CDH13: variants seen among roughly 807,000 people sequenced by gnomAD.
CDH13 encodes cadherin-13.
CDH13 carries 24 observed loss-of-function variants against 63.8 expected under a neutral mutation model. The observed-to-expected ratio is 0.38, with a 90% CI of 0.27 to 0.53. The LOEUF (loss-of-function observed/expected upper bound fraction) is 0.53, where lower values mean the gene tolerates loss of function less well. Ranked by LOEUF, CDH13 falls within the 20% of genes least tolerant of loss-of-function variation. The pLI, the probability that CDH13 is intolerant of heterozygous loss-of-function variation, is 0.85. For missense variants in CDH13, 1,049 were observed against 903.1 expected (o/e 1.16, Z -2.07); for synonymous variants, 503 against 355.3 (o/e 1.42, Z -4.67).
chr16:83,479,427 C>T (rs189824530), intron 6 of CDH13, among the ~76,000 whole-genome samples: 209 of 152,126 alleles, frequency 1.4e-3, no homozygotes, highest in African/African-American at 4.6e-3. Context: ...AGCACTTTGA[C>T]GGGCAGATCA....
chr16:83,183,133 C>A (rs1450370267), intron 4 of CDH13, among the ~76,000 whole-genome samples: 1 of 152,080 alleles, frequency 6.6e-6, no homozygotes, highest in Non-Finnish European at 1.5e-5. Context: ...TTTAAGGGAA[C>A]TATTCGTCTT....
At chr16:83,611,169 A>G (rs1164620091) in intron 8 of CDH13, among the ~76,000 whole-genome samples, 3 of 151,966 alleles carry the variant, frequency 2.0e-5, no homozygotes, top group African/African-American at 7.2e-5. Flanking sequence ...CGACGTGTTT[A>G]TCTTTATTCT....
At chr16:82,908,600 T>G (rs2041724497) in intron 2 of CDH13, among the ~76,000 whole-genome samples, 3 of 152,214 alleles carry the variant, frequency 2.0e-5, no homozygotes. Flanking sequence ...CTTTTCCTCC[T>G]TCCAAACATA....
At chr16:83,593,070 A>G (rs916410703) in intron 7 of CDH13, among the ~76,000 whole-genome samples, 9 of 152,174 alleles carry the variant, frequency 5.9e-5, no homozygotes, top group Non-Finnish European at 1.3e-4. Flanking sequence ...TCTGCTTCAG[A>G]TAGTGTTTTC....
intron 4 of CDH13, among the ~76,000 whole-genome samples, chr16:83,190,834 T>C (rs1288924751): frequency 6.6e-6 from 1 of 152,148 alleles, no homozygotes; most frequent in Non-Finnish European, 1.5e-5. Flanking sequence ...AACAGCCAAT[T>C]GATTTCTTTC....
chr16:83,411,387 C>T (rs751250487), intron 6 of CDH13, among the ~76,000 whole-genome samples: 6 of 152,100 alleles, frequency 3.9e-5, no homozygotes, highest in Non-Finnish European at 5.9e-5. Flanking sequence ...TGTATATCAC[C>T]GTTGTGTGGT....
At chr16:83,452,693 T>C (rs150870502) in intron 6 of CDH13, among the ~76,000 whole-genome samples, 2 of 152,208 alleles carry the variant, frequency 1.3e-5, no homozygotes, top group African/African-American at 4.8e-5. Flanking sequence ...ATAGAGAAAA[T>C]AAACATCTAA....
At chr16:83,056,175 C>T (rs1021655105) in intron 3 of CDH13, among the ~76,000 whole-genome samples, 1 of 152,158 alleles carries the variant, frequency 6.6e-6, no homozygotes, top group Non-Finnish European at 1.5e-5. Flanking sequence ...CTATTATACA[C>T]ACATGTGAAA....
chr16:83,743,742 T>C (rs539010869), intron 10 of CDH13, among the ~76,000 whole-genome samples: 1 of 85,806 alleles, frequency 1.2e-5, no homozygotes, highest in African/African-American at 4.9e-5. Context: ...GCCTTTTTTC[T>C]TTTTTCTTTT....
intron 1 of CDH13, among the ~76,000 whole-genome samples, chr16:82,784,504 T>A (rs1183726424): frequency 1.3e-5 from 2 of 152,202 alleles, no homozygotes; most frequent in Admixed American, 6.5e-5. Context: ...ATTGAGGGCC[T>A]GCTATGTGCC....
At chr16:83,589,799 C>T (rs953072292) in intron 7 of CDH13, among the ~76,000 whole-genome samples, 1 of 152,102 alleles carries the variant, frequency 6.6e-6, no homozygotes, top group Non-Finnish European at 1.5e-5. Context: ...ACAGCCAGGG[C>T]TAATGCAGGG....
At chr16:83,163,023 A>G (rs186717276) in intron 4 of CDH13, among the ~76,000 whole-genome samples, 1 of 152,224 alleles carries the variant, frequency 6.6e-6, no homozygotes, top group African/African-American at 2.4e-5. Flanking sequence ...AGGTGATTGA[A>G]TCATTGAGGC....
chr16:82,660,513 C>G (rs1026804164), intron 1 of CDH13, among the ~76,000 whole-genome samples: 1 of 152,110 alleles, frequency 6.6e-6, no homozygotes, highest in African/African-American at 2.4e-5. Flanking sequence ...AACAGAGGCA[C>G]AGGGATTAAA....
intron 6 of CDH13, among the ~76,000 whole-genome samples, chr16:83,373,651 A>G (rs2091412132): frequency 6.6e-6 from 1 of 152,202 alleles, no homozygotes; most frequent in South Asian, 2.1e-4. Context: ...GGAACAAAAT[A>G]TTTGTGGATT....
At chr16:83,351,107 C>G (rs889783033) in intron 6 of CDH13, among the ~76,000 whole-genome samples, 38 of 152,076 alleles carry the variant, frequency 2.5e-4, no homozygotes, top group Admixed American at 2.2e-3. Flanking sequence ...GTAGTAAAGT[C>G]CCTTTTCTGG....
chr16:83,656,740 C>A (rs375207096), intron 8 of CDH13, among the ~76,000 whole-genome samples: 2 of 152,228 alleles, frequency 1.3e-5, no homozygotes, highest in East Asian at 1.9e-4. Flanking sequence ...CTCTCCCCTA[C>A]AGTTTTGGCA....
At chr16:83,092,411 C>G (rs1205683689) in intron 3 of CDH13, among the ~76,000 whole-genome samples, 4 of 152,202 alleles carry the variant, frequency 2.6e-5, no homozygotes, top group East Asian at 1.9e-4. Context: ...GAGGCAAGGT[C>G]TTAGATGATT....
intron 10 of CDH13, among the ~76,000 whole-genome samples, chr16:83,730,666 G>C (rs1047112918): frequency 6.6e-6 from 1 of 151,966 alleles, no homozygotes; most frequent in Non-Finnish European, 1.5e-5. Flanking sequence ...TTTGGTTTGT[G>C]GTTTTTTTGA....
In CDH13 at chr16:83,435,910, C is replaced by G. The variant is rs556309889; in HGVS notation, c.782-50567C>G. Among the ~76,000 whole-genome samples the G allele has an allele frequency of 2.9e-4, 44 of 152,296 alleles. 1 individual carries two copies. Among genetic ancestry groups the G allele is most frequent in the African/African-American group, 1.0e-3 (42 of 41,550 alleles). Reference sequence around the variant, plus strand: ...CACCAGGCCTGGTACATAGTAGCCACTCAGTATGGGGAATGAATGTCTTAC... The same window carrying G: ...CACCAGGCCTGGTACATAGTAGCCAGTCAGTATGGGGAATGAATGTCTTAC... On this transcript the variant is annotated intron_variant, in intron 6 of 13. Transcript: ENST00000567109.
Sources: allele counts gnomAD v4.1 joint callset (sites outside exome capture counted in the v4.1 genomes callset), GRCh38; gene constraint gnomAD v4.1.1; transcripts MANE v1.5; gene names NCBI Gene and HGNC (gene_info 2026-07-23, HGNC 2026-07-21).